Variants in TENM3 observed in about 807,000 individuals in gnomAD.
TENM3 encodes the protein teneurin transmembrane protein 3.
Under a neutral mutation model 255.1 loss-of-function variants are expected in TENM3, and 63 were observed. That is an observed-to-expected ratio of 0.25 (90% CI 0.20 to 0.30). The LOEUF is 0.30. TENM3 is among the 10% of genes least tolerant of loss of function. The pLI is 1.00. For missense variants in TENM3, 2,929 were observed against 3,461.1 expected, an observed-to-expected ratio of 0.85 and a Z score of 3.86; for synonymous variants, 1,306 against 1,322.3, an observed-to-expected ratio of 0.99 and a Z score of 0.27.
At chr4:182,762,489 A>AACTT (rs1763284950) in intron 22 of TENM3, among the ~76,000 whole-genome samples, 1 of 152,190 alleles carries the variant, frequency 6.6e-6, no homozygotes, top group Non-Finnish European at 1.5e-5. Flanking sequence ...AGTGCAAGAG[A>AACTT]ACTTTTCATG....
At chr4:181,827,465 C>A in the TENM3 span, among the ~76,000 whole-genome samples, 1 of 152,186 alleles carries the variant, frequency 6.6e-6, no homozygotes, top group Non-Finnish European at 1.5e-5. Flanking sequence ...AAGTAGCTCA[C>A]ACAAAAGATT....
Position 182,688,356 on chromosome 4 carries a change from G to A in TENM3, c.2221+5G>A. 6.3e-7 allele frequency: 1 copy of A among 1,584,632 alleles called. No homozygotes were observed. The highest frequency in any genetic ancestry group is 8.6e-7 in the Non-Finnish European group (1 of 1,162,274). ...ATGGAGAGCACTGCACTATCGGTAGGCTTACTGCAAGTCTGTGTCTGTCCC... is the reference window on the plus strand; with the variant it reads ...ATGGAGAGCACTGCACTATCGGTAGACTTACTGCAAGTCTGTGTCTGTCCC... On this transcript the variant is annotated splice_donor_5th_base_variant and intron_variant, in intron 12 of 27. Coordinates refer to ENST00000511685, the MANE Select transcript of TENM3 (RefSeq NM_001080477.4).
intron 15 of TENM3, among the ~76,000 whole-genome samples, 166 bp downstream of exon 15, chr4:182,730,485 C>T (rs1031662696): frequency 1.3e-5 from 2 of 152,210 alleles, no homozygotes; most frequent in South Asian, 4.1e-4. Context: ...AAGTCATATA[C>T]TCACATACTT....
the TENM3 span, among the ~76,000 whole-genome samples, chr4:181,496,301 C>G: frequency 1.6e-5 from 2 of 127,838 alleles, no homozygotes; most frequent in East Asian, 3.9e-4. Flanking sequence ...CTATTCAACA[C>G]TTATCTTCCC....
intron 13 of TENM3, among the ~76,000 whole-genome samples, chr4:182,725,975 G>A: frequency 6.6e-6 from 1 of 151,862 alleles, no homozygotes; most frequent in East Asian, 1.9e-4. Flanking sequence ...TTTTTCCAGA[G>A]AAATAAACAT....
At chr4:181,657,983 T>C in the TENM3 span, among the ~76,000 whole-genome samples, 1 of 151,862 alleles carries the variant, frequency 6.6e-6, no homozygotes, top group Non-Finnish European at 1.5e-5. Context: ...CTGCGGACTC[T>C]AAAAGGAGGG....
intron 6 of TENM3, among the ~76,000 whole-genome samples, chr4:182,672,489 T>C (rs987291877): frequency 1.2e-4 from 18 of 152,222 alleles, no homozygotes; most frequent in African/African-American, 4.3e-4. Context: ...CAACATCTGA[T>C]GTTTTTCATT....
the TENM3 span, among the ~76,000 whole-genome samples, chr4:181,496,115 G>A: frequency 6.6e-6 from 1 of 152,110 alleles, no homozygotes. Context: ...TATACTTTGT[G>A]ATCACTTAGA....
chr4:182,602,868 G>A (rs1748036040), intron 4 of TENM3, among the ~76,000 whole-genome samples: 1 of 152,206 alleles, frequency 6.6e-6, no homozygotes, highest in Non-Finnish European at 1.5e-5. Flanking sequence ...TGAGTCATCA[G>A]ATTGAATATG....
At chr4:182,660,479 A>G (rs1754139623) in intron 6 of TENM3, among the ~76,000 whole-genome samples, 1 of 152,208 alleles carries the variant, frequency 6.6e-6, no homozygotes, top group Non-Finnish European at 1.5e-5. Flanking sequence ...CAGGTCATGC[A>G]TGCAGGGTGC....
At chr4:182,375,630 C>T (rs994743940) in intron 3 of TENM3, among the ~76,000 whole-genome samples, 1 of 152,188 alleles carries the variant, frequency 6.6e-6, no homozygotes, top group Non-Finnish European at 1.5e-5. Flanking sequence ...CAGCCTACAC[C>T]TCCCAGGTTC....
chr4:182,322,210 A>G (rs1262158040), intron 1 of TENM3, among the ~76,000 whole-genome samples: 2 of 152,216 alleles, frequency 1.3e-5, no homozygotes, highest in African/African-American at 4.8e-5. Context: ...TAAAATAAAA[A>G]CCAAATTCAT....
chr4:182,027,075 T>A, the TENM3 span, among the ~76,000 whole-genome samples: 1 of 152,128 alleles, frequency 6.6e-6, no homozygotes, highest in Non-Finnish European at 1.5e-5. Flanking sequence ...CAATATCGAT[T>A]CTTCCAATCC....
At chr4:182,289,807 A>C (rs963989455) in intron 1 of TENM3, among the ~76,000 whole-genome samples, 5 of 152,166 alleles carry the variant, frequency 3.3e-5, no homozygotes, top group African/African-American at 1.2e-4. Flanking sequence ...TTCATTTTCC[A>C]ATGTCTTCAG....
At chr4:182,626,168 T>C (rs1750802679) in intron 4 of TENM3, among the ~76,000 whole-genome samples, 1 of 152,220 alleles carries the variant, frequency 6.6e-6, no homozygotes, top group Non-Finnish European at 1.5e-5. Flanking sequence ...ATTTACTCTG[T>C]GGTCCCTTAC....
At chr4:181,765,270 A>T in the TENM3 span, among the ~76,000 whole-genome samples, 2 of 152,116 alleles carry the variant, frequency 1.3e-5, no homozygotes, top group African/African-American at 4.8e-5. Context: ...ATTATGTATT[A>T]TGTGTAAAGT....
chr4:181,663,958 T>C, the TENM3 span, among the ~76,000 whole-genome samples: 1 of 152,212 alleles, frequency 6.6e-6, no homozygotes, highest in East Asian at 1.9e-4. Flanking sequence ...CTTTGATTAC[T>C]TCAGTTGTCA....
chr4:181,859,519 T>C, the TENM3 span, among the ~76,000 whole-genome samples: 1 of 152,172 alleles, frequency 6.6e-6, no homozygotes, highest in Non-Finnish European at 1.5e-5. Flanking sequence ...TTCTCATCAT[T>C]ATGAGTTAAT....
chr4:182,774,011 G>A (rs1291769328), intron 23 of TENM3: 3 of 166,064 alleles, frequency 1.8e-5, no homozygotes, highest in African/African-American at 7.1e-5. Context: ...CACTTTTTGA[G>A]GCCATATGTG....
Sources: gnomAD v4.1 joint callset for allele counts (sites outside exome capture counted in the v4.1 genomes callset) on GRCh38, gnomAD v4.1.1 for gene constraint, MANE v1.5 for transcripts, NCBI Gene and HGNC (gene_info 2026-07-23, HGNC 2026-07-21) for gene names.